LRMDA: variants seen among roughly 807,000 people sequenced by gnomAD.
The protein encoded by LRMDA is leucine rich melanocyte differentiation associated, also known as leucine-rich melanocyte differentiation-associated protein.
In LRMDA, 18 loss-of-function variants were observed where a neutral mutation model predicts 29.8. The observed-to-expected ratio is 0.60, with a 90% CI of 0.42 to 0.90. The LOEUF is 0.90. Among genes scored for constraint, LRMDA ranks in the 40% least tolerant of loss-of-function variants. LRMDA has a pLI of 0.00. For synonymous variants in LRMDA, 125 were observed against 109.4 expected (o/e 1.14, Z -0.89); for missense variants, 273 against 273.9 (o/e 1.00, Z 0.02).
intron 2 of LRMDA, among the ~76,000 whole-genome samples, chr10:76,031,174 G>A (rs986852109): frequency 1.3e-5 from 2 of 152,214 alleles, no homozygotes; most frequent in Non-Finnish European, 1.5e-5. Context: ...ATTATGAAGA[G>A]GTCTGGGGGT....
chr10:75,559,840 T>G lies in LRMDA; in HGVS notation c.131+121346T>G, dbSNP rs536034596. 2.4e-5 allele frequency among the ~76,000 whole-genome samples: 2 copies of G among 83,146 alleles called. 1 individual carries two copies. The highest frequency in any genetic ancestry group is 5.7e-5 in the African/African-American group (2 of 35,256). The allele number at this position is 83,146 out of a possible 152,430, so 54.5% of individuals were successfully genotyped here. On this transcript the variant is annotated intron_variant, in intron 2 of 6. Transcript: ENST00000611255. Reference sequence around the variant, plus strand: ...TCAGGTTTGTCAAAGATCACATGGTTGTAGTTGTGTGGTGTTATTTCTGAG... The same window carrying G: ...TCAGGTTTGTCAAAGATCACATGGTGGTAGTTGTGTGGTGTTATTTCTGAG...
At chr10:75,525,718 A>G (rs185923813) in intron 2 of LRMDA, among the ~76,000 whole-genome samples, 1 of 150,794 alleles carries the variant, frequency 6.6e-6, no homozygotes, top group Non-Finnish European at 1.5e-5. Flanking sequence ...ATAGCCTAGT[A>G]TATTTGTGTT....
chr10:75,487,569 C>T (rs1273199934), intron 2 of LRMDA, among the ~76,000 whole-genome samples: 2 of 152,170 alleles, frequency 1.3e-5, no homozygotes, highest in Non-Finnish European at 2.9e-5. Context: ...TAAGTACAAT[C>T]TTGGTCACAG....
intron 5 of LRMDA, among the ~76,000 whole-genome samples, chr10:76,151,858 A>G (rs748328847): frequency 7.9e-5 from 12 of 152,158 alleles, no homozygotes; most frequent in Non-Finnish European, 1.5e-4. Flanking sequence ...TCCAATCCTT[A>G]TAGTTTTTAT....
At chr10:76,393,494 C>T (rs779182667) in intron 6 of LRMDA, among the ~76,000 whole-genome samples, 6 of 151,872 alleles carry the variant, frequency 4.0e-5, no homozygotes, top group Non-Finnish European at 7.4e-5. Context: ...GGTCCTTTGC[C>T]CATATTTTAA....
intron 2 of LRMDA, among the ~76,000 whole-genome samples, chr10:75,566,748 C>T (rs936392810): frequency 6.6e-6 from 1 of 152,112 alleles, no homozygotes; most frequent in African/African-American, 2.4e-5. Flanking sequence ...TGTCTTCAGC[C>T]CCACTTTCTC....
chr10:75,776,632 A>G (rs1843314926), intron 2 of LRMDA, among the ~76,000 whole-genome samples: 1 of 152,224 alleles, frequency 6.6e-6, no homozygotes, highest in Non-Finnish European at 1.5e-5. Context: ...AATCAATTGG[A>G]CACTATTAGC....
At chr10:75,480,870 G>A (rs910256341) in intron 2 of LRMDA, among the ~76,000 whole-genome samples, 5 of 152,078 alleles carry the variant, frequency 3.3e-5, no homozygotes, top group East Asian at 3.9e-4. Flanking sequence ...TTTTAGAGGT[G>A]GTTTTGATGG....
chr10:75,831,377 A>G (rs2132291542), intron 2 of LRMDA, among the ~76,000 whole-genome samples: 1 of 152,266 alleles, frequency 6.6e-6, no homozygotes, highest in African/African-American at 2.4e-5. Context: ...CTCCAAAATG[A>G]TCTCTTTTGA....
chr10:76,221,008 C>G (rs1230648971), intron 5 of LRMDA, among the ~76,000 whole-genome samples: 1 of 152,038 alleles, frequency 6.6e-6, no homozygotes, highest in African/African-American at 2.4e-5. Context: ...TAAAAAGAAC[C>G]AAAGACAAAA....
intron 5 of LRMDA, among the ~76,000 whole-genome samples, chr10:76,295,517 T>A (rs1840400479): frequency 6.6e-6 from 1 of 152,214 alleles, no homozygotes; most frequent in Non-Finnish European, 1.5e-5. Context: ...CAGGCACAGT[T>A]TGAGTTTCTA....
chr10:76,004,183 A>G (rs1847608026), intron 2 of LRMDA, among the ~76,000 whole-genome samples: 2 of 152,246 alleles, frequency 1.3e-5, no homozygotes, highest in Non-Finnish European at 2.9e-5. Flanking sequence ...GTGCTTTGCT[A>G]TATTTAAAAT....
intron 6 of LRMDA, among the ~76,000 whole-genome samples, chr10:76,385,377 C>T (rs1841646928): frequency 1.3e-5 from 2 of 152,136 alleles, no homozygotes; most frequent in Admixed American, 6.6e-5. Flanking sequence ...ATGTTCATAG[C>T]GTTGTTTACA....
At chr10:76,115,166 A>T (rs192841100) in intron 5 of LRMDA, among the ~76,000 whole-genome samples, 219 of 152,358 alleles carry the variant, frequency 1.4e-3, no homozygotes, top group Middle Eastern at 3.4e-3. Context: ...GTTTTAATGA[A>T]TCACTTTAAA....
At chr10:75,721,942 T>G (rs530724534) in intron 2 of LRMDA, among the ~76,000 whole-genome samples, 37 of 152,206 alleles carry the variant, frequency 2.4e-4, no homozygotes, top group African/African-American at 8.2e-4. Context: ...TTATGACGAG[T>G]TGAGGAATTA....
chr10:75,938,944 C>T lies in LRMDA; in HGVS notation c.132-97064C>T, dbSNP rs148702326. 3.7e-3 allele frequency among the ~76,000 whole-genome samples: 564 copies of T among 152,238 alleles called. 3 individuals are homozygous for T. The highest frequency in any genetic ancestry group is 0.012 in the African/African-American group (514 of 41,534). ...TATTGATCCTCTCCGTGCCCAGAGG[C>T]GAGGAGGGAAGCAGCGAACTGCAGA... On this transcript the variant is annotated intron_variant, in intron 2 of 6. Transcript: ENST00000611255.
intron 2 of LRMDA, among the ~76,000 whole-genome samples, chr10:75,831,418 A>T (rs1844342388): frequency 6.6e-6 from 1 of 152,216 alleles, no homozygotes; most frequent in Non-Finnish European, 1.5e-5. Context: ...TCACACTGAC[A>T]CAAGACATGG....
chr10:76,278,136 A>G (rs1002508954), intron 5 of LRMDA, among the ~76,000 whole-genome samples: 5 of 152,196 alleles, frequency 3.3e-5, no homozygotes, highest in Non-Finnish European at 5.9e-5. Context: ...GATTCCCTGT[A>G]TAATTTCTGG....
intron 5 of LRMDA, among the ~76,000 whole-genome samples, chr10:76,198,056 C>A (rs1039268406): frequency 6.6e-6 from 1 of 152,176 alleles, no homozygotes; most frequent in Non-Finnish European, 1.5e-5. Context: ...AAAAGTGATT[C>A]AGTAGGACCA....
Sources: gnomAD v4.1 joint callset for allele counts (sites outside exome capture counted in the v4.1 genomes callset) on GRCh38, gnomAD v4.1.1 for gene constraint, MANE v1.5 for transcripts, NCBI Gene and HGNC (gene_info 2026-07-23, HGNC 2026-07-21) for gene names.